The following GNL1 variants were observed in gnomAD, a reference collection of about 807,000 sequenced individuals.
The protein encoded by GNL1 is guanine nucleotide-binding protein-like 1.
GNL1 carries 21 observed loss-of-function variants against 75.2 expected under a neutral mutation model. The ratio of observed to expected loss-of-function variants is 0.28; its 90% CI spans 0.20 to 0.40. The LOEUF (loss-of-function observed/expected upper bound fraction) is 0.40, where lower values mean the gene tolerates loss of function less well. Ranked by LOEUF, GNL1 falls within the 10% of genes least tolerant of loss-of-function variation. The probability of loss-of-function intolerance (pLI) is 1.00; values close to 1 mark genes in which losing one functional copy is unlikely to be tolerated. For missense variants in GNL1, 579 were observed against 775.0 expected (o/e 0.75, Z 3.00); for synonymous variants, 287 against 303.4 (o/e 0.95, Z 0.56).
At chr6:30,549,783 C>T (rs1799658646) in intron 8 of GNL1, among the ~76,000 whole-genome samples, 1 of 151,584 alleles carries the variant, frequency 6.6e-6, no homozygotes, top group Non-Finnish European at 1.5e-5. Flanking sequence ...TCCTCTTCTC[C>T]AACTATTTCC....
In GNL1 at chr6:30,553,439, T is replaced by G. The variant is rs772999660; in HGVS notation, c.719A>C (p.His240Pro). Residue 240 changes from histidine (H) to proline (P), a missense_variant, in exon 6 of 12, where the codon CAT becomes CCT. Coordinates refer to ENST00000376621, the MANE Select transcript of GNL1 (RefSeq NM_005275.5). ...APPALVVAWKHYFHQHYPQLH... is the reference protein window; with the variant it reads ...APPALVVAWKPYFHQHYPQLH... ...CTGGGGATAGTGTTGATGGAAATAA[T>G]GCTTCCAGGCAACCACAAGAGCTGG... 6.2e-7 allele frequency: 1 copy of G among 1,613,024 alleles called. No individual in the cohort carries two copies. The highest frequency in any genetic ancestry group is 8.5e-7 in the Non-Finnish European group (1 of 1,180,012).
In GNL1 at chr6:30,548,267, A is replaced by G. The variant is rs145857359; in HGVS notation, c.1100-737T>C. ...GCCACTCTGCTCACTCACCACCACC[A>G]GTTTTTGTGTTTCTGGCTGACTTCA... On this transcript the variant is annotated intron_variant, in intron 8 of 11. Transcript: ENST00000376621. The surrounding 1 kb of genome is among the most constrained non-coding windows in gnomAD (Gnocchi z 4.2). Among the ~76,000 whole-genome samples the G allele has an allele frequency of 4.9e-4, 74 of 152,188 alleles. No individual in the cohort carries two copies. The highest frequency in any genetic ancestry group is 1.7e-3 in the African/African-American group (71 of 41,528).
In GNL1 at chr6:30,547,244, T is replaced by G. The variant is rs1273867571; in HGVS notation, c.1309A>C (p.Ile437Leu). ...VLAGIYPIAQIQEPYTAVGYL... is the reference protein window; with the variant it reads ...VLAGIYPIAQLQEPYTAVGYL... The stretch of plus-strand genomic sequence containing the variant: ...CCCACAGCAGTGTAGGGCTCCTGGA[T>G]CTGGGCGATAGGGTAGATCCCTGCC... The change falls in exon 10 of 12, where the codon ATC (isoleucine) becomes CTC (leucine). Residue 437 changes from isoleucine to leucine, a missense_variant. Ile to Leu is a conservative substitution (Grantham distance 5). Transcript: ENST00000376621. The surrounding 1 kb of genome is among the most constrained non-coding windows in gnomAD (Gnocchi z 5.5). The G allele has an allele frequency of 5.0e-6, 8 of 1,609,224 alleles. No individual in the cohort carries two copies. Among genetic ancestry groups the G allele is most frequent in the Non-Finnish European group, 6.8e-6 (8 of 1,177,738 alleles).
chr6:30,546,458 C>G lies in GNL1; in HGVS notation c.1583-145G>C. The G allele has an allele frequency of 1.4e-6, 1 of 691,738 alleles. No individual in the cohort carries two copies. Among genetic ancestry groups the G allele is most frequent in the Non-Finnish European group, 2.5e-6 (1 of 399,980 alleles). The allele number at this position is 691,738 out of a possible 1,614,324, so 42.9% of individuals were successfully genotyped here. A position where few individuals can be genotyped will look rare whatever the true frequency, so the allele number is the denominator to read the frequency against. Reference sequence around the variant, plus strand: ...ATTCATTCATCCATTCATTCAACTTCCTATGTGCAGATTGCTGAACAGAAC... The same window carrying G: ...ATTCATTCATCCATTCATTCAACTTGCTATGTGCAGATTGCTGAACAGAAC... On this transcript the variant is annotated intron_variant, in intron 11 of 11. Coordinates refer to ENST00000376621, the MANE Select transcript of GNL1 (RefSeq NM_005275.5). This position sits in a 1 kb window ranked among gnomAD's most constrained non-coding sequence, Gnocchi z 5.1.
rs1469332135 is a variant in GNL1 at position 30,543,746 on chromosome 6, A to T, written c.*2326T>A. The T allele has an allele frequency of 6.6e-6, 1 of 152,222 alleles. No individual in the cohort carries two copies. The highest frequency in any genetic ancestry group is 2.4e-5 in the African/African-American group (1 of 41,454). 9.4% of individuals were successfully genotyped at this position (152,222 alleles called of 1,614,324 possible). On this transcript the variant is annotated 3_prime_UTR_variant, in exon 12 of 12. Transcript: ENST00000376621. ...CTGTATCAATGATTGTAAGAAGTGA[A>T]CAAAGGGCCAGATAATTGAACTATC...
Position 30,556,413 on chromosome 6 carries a change from G to A in GNL1, c.-210C>T, listed in dbSNP as rs1800201207. ...ATAGTCACTTCCCTCCAGGAGCGAG[G>A]CGAGAGGATGATGCGGGGTGGGCTA... On this transcript the variant is annotated 5_prime_UTR_variant, in exon 1 of 12. Transcript: ENST00000376621. The surrounding 1 kb of genome is among the most constrained non-coding windows in gnomAD (Gnocchi z 5.7). 1.7e-6 allele frequency: 1 copy of A among 604,558 alleles called. No individual in the cohort carries two copies. The highest frequency in any genetic ancestry group is 2.9e-6 in the Non-Finnish European group (1 of 343,416). 37.4% of individuals were successfully genotyped at this position (604,558 alleles called of 1,614,324 possible).
At position 30,545,748 on chromosome 6, in the gene GNL1, C is replaced by T. The variant is rs1050916993; in HGVS notation, c.*324G>A. 1.2e-5 allele frequency: 4 copies of T among 342,534 alleles called. No homozygotes were observed. Among genetic ancestry groups the T allele is most frequent in the Non-Finnish European group, 2.1e-5 (4 of 188,868 alleles). The allele number at this position is 342,534 out of a possible 1,614,324, so 21.2% of individuals were successfully genotyped here. On this transcript the variant is annotated 3_prime_UTR_variant, in exon 12 of 12. Coordinates refer to ENST00000376621, the MANE Select transcript of GNL1 (RefSeq NM_005275.5). ...CTCCAAAAGGGAGCTGGATTTAGAC[C>T]TCCCCTCCCCATGTAGATAACGGGA...
chr6:30,546,257 C>A lies in GNL1; in HGVS notation c.1639G>T (p.Gly547Trp). ...TELVVLQGRV[G>W]PAGDEEEEEE... is the part of the protein sequence containing the mutation. ...TCCTCCTCCTCGTCACCTGCTGGCC[C>A]CACCCTGCCCTGCAAAACCACCAGC... Residue 547 changes from glycine (G) to tryptophan (W), a missense_variant, in exon 12 of 12, where the codon GGG becomes TGG. Coordinates refer to ENST00000376621, the MANE Select transcript of GNL1 (RefSeq NM_005275.5). The surrounding 1 kb of genome is among the most constrained non-coding windows in gnomAD (Gnocchi z 5.1). The A allele has an allele frequency of 6.3e-7, 1 of 1,590,850 alleles. No homozygotes were observed. The highest frequency in any genetic ancestry group is 2.3e-5 in the East Asian group (1 of 43,828).
Position 30,552,381 on chromosome 6 carries a change from G to A in GNL1, c.1099+86C>T, listed in dbSNP as rs2127376320. Reference sequence around the variant, plus strand: ...CCCCTCAGACACCCTGGGGCCTAATGAGACCTGATCGCCCTCTCTCTTCTC... The same window carrying A: ...CCCCTCAGACACCCTGGGGCCTAATAAGACCTGATCGCCCTCTCTCTTCTC... On this transcript the variant is annotated intron_variant, in intron 8 of 11. Transcript: ENST00000376621. This position sits in a 1 kb window ranked among gnomAD's most constrained non-coding sequence, Gnocchi z 4.5. The A allele has an allele frequency of 1.7e-6, 2 of 1,181,652 alleles. No individual in the cohort carries two copies. Among genetic ancestry groups the A allele is most frequent in the Non-Finnish European group, 1.2e-6 (1 of 812,212 alleles). The allele number at this position is 1,181,652 out of a possible 1,614,324, so 73.2% of individuals were successfully genotyped here.
At position 30,546,774 on chromosome 6, in the gene GNL1, C is replaced by T; in HGVS notation, c.1504G>A (p.Ala502Thr). Residue 502 changes from alanine (A) to threonine (T), a missense_variant, in exon 11 of 12, where the codon GCC becomes ACC. Transcript: ENST00000376621. The surrounding 1 kb of genome is among the most constrained non-coding windows in gnomAD (Gnocchi z 5.1). ...ACTGCCAGCCGCAAGAGACTGTTGG[C>T]TGCTCTGTACACATCATTCCGAGCC... ...KAARNDVYRAANSLLRLAVDG... is the reference protein window; with the variant it reads ...KAARNDVYRATNSLLRLAVDG... The T allele has an allele frequency of 6.2e-7, 1 of 1,604,908 alleles. No individual in the cohort carries two copies. Among genetic ancestry groups the T allele is most frequent in the Non-Finnish European group, 8.5e-7 (1 of 1,173,160 alleles).
chr6:30,544,131 C>T lies in GNL1; in HGVS notation c.*1941G>A, dbSNP rs1799321555. 1 of 152,140 alleles carries T rather than the reference C, an allele frequency of 6.6e-6. No homozygotes were observed. Among genetic ancestry groups the T allele is most frequent in the Admixed American group, 6.6e-5 (1 of 15,266 alleles). The allele number at this position is 152,140 out of a possible 1,614,324, so 9.4% of individuals were successfully genotyped here. On this transcript the variant is annotated 3_prime_UTR_variant, in exon 12 of 12. Coordinates refer to ENST00000376621, the MANE Select transcript of GNL1 (RefSeq NM_005275.5). ...TCAGTTCTTTTCCTGTTGCTATTAT[C>T]CTATAGAGTCAGCAAGTCATGGAAG...
rs2127367002 is a variant in GNL1, at chr6:30,546,919, A to G, written c.1442-83T>C. 7.7e-7 allele frequency: 1 copy of G among 1,294,678 alleles called. No individual in the cohort carries two copies. Among genetic ancestry groups the G allele is most frequent in the Non-Finnish European group, 1.1e-6 (1 of 918,294 alleles). 80.2% of individuals were successfully genotyped at this position (1,294,678 alleles called of 1,614,324 possible). On this transcript the variant is annotated intron_variant, in intron 10 of 11. Transcript: ENST00000376621. The surrounding 1 kb of genome is among the most constrained non-coding windows in gnomAD (Gnocchi z 5.1). ...CCCACTCCCATAACACAGTCCTTCC[A>G]GTTTTCCCCAAAACATTCCAGGCCA...
In GNL1 at chr6:30,547,205, G is replaced by C; in HGVS notation, c.1348C>G (p.Arg450Gly). Residue 450 changes from arginine to glycine, a missense_variant, in exon 10 of 12, where the codon CGA becomes GGA. Physicochemically the swap from Arg to Gly is moderately radical, Grantham distance 125. Transcript: ENST00000376621. The surrounding 1 kb of genome is among the most constrained non-coding windows in gnomAD (Gnocchi z 5.5). ...PYTAVGYLAS[R>G]IPVQALLHLR... ...TGGAGCAGGGCCTGCACGGGAATTC[G>C]GGAGGCCAGGTAGCCCACAGCAGTG... The C allele has an allele frequency of 6.2e-7, 1 of 1,613,202 alleles. No homozygotes were observed. The highest frequency in any genetic ancestry group is 8.5e-7 in the Non-Finnish European group (1 of 1,179,512).
chr6:30,555,454 C>G lies in GNL1; in HGVS notation c.239+101G>C. The G allele has an allele frequency of 8.1e-7, 1 of 1,227,760 alleles. No homozygotes were observed. Among genetic ancestry groups the G allele is most frequent in the Non-Finnish European group, 1.2e-6 (1 of 867,310 alleles). 76.1% of individuals were successfully genotyped at this position (1,227,760 alleles called of 1,614,324 possible). A position where few individuals can be genotyped will look rare whatever the true frequency, so the allele number is the denominator to read the frequency against. On this transcript the variant is annotated intron_variant, in intron 2 of 11. Coordinates refer to ENST00000376621, the MANE Select transcript of GNL1 (RefSeq NM_005275.5). This position sits in a 1 kb window ranked among gnomAD's most constrained non-coding sequence, Gnocchi z 4.3. ...AGTGGCTAGCGGAGAACTGTGGCAT[C>G]CCAGGCCCACCGTCTTCACCAGTAG...
chr6:30,553,448 G>A lies in GNL1; in HGVS notation c.710C>T (p.Ala237Val), dbSNP rs1799925359. 6.2e-7 allele frequency: 1 copy of A among 1,612,944 alleles called. No homozygotes were observed. Residue 237 changes from alanine (A) to valine (V), a missense_variant, in exon 6 of 12, where the codon GCC becomes GTC. Transcript: ENST00000376621. ...VDLAPPALVV[A>V]WKHYFHQHYP... is the part of the protein sequence containing the mutation. ...GTGTTGATGGAAATAATGCTTCCAG[G>A]CAACCACAAGAGCTGGCGGGGCCAG...
At chr6:30,553,208 C>T in intron 6 of GNL1, 29 bp from the exon 7 acceptor site, 1 of 1,551,724 alleles carries the variant, frequency 6.4e-7, no homozygotes, top group Non-Finnish European at 8.9e-7. Flanking sequence ...AAAGGATGGG[C>T]ACACGGGCTT....
rs1036349028 is a variant in GNL1 at position 30,547,584 on chromosome 6, C to T, written c.1100-54G>A. On this transcript the variant is annotated intron_variant, in intron 8 of 11. Coordinates refer to ENST00000376621, the MANE Select transcript of GNL1 (RefSeq NM_005275.5). This position sits in a 1 kb window ranked among gnomAD's most constrained non-coding sequence, Gnocchi z 5.5. ...AACAGGTTTCTACTCTGTGATGGGA[C>T]TTGGTGCTATACCTATAGGTAAAAG... is the stretch of plus-strand genomic sequence containing the variant. The T allele has an allele frequency of 1.3e-5, 19 of 1,464,132 alleles. No individual in the cohort carries two copies. In the African/African-American group the frequency reaches 2.6e-4, roughly 20 times the overall value. The allele number at this position is 1,464,132 out of a possible 1,614,324, so 90.7% of individuals were successfully genotyped here.
chr6:30,554,994 A>T, intron 3 of GNL1, 61 bp downstream of exon 3: 1 of 1,610,448 alleles, frequency 6.2e-7, no homozygotes, highest in Admixed American at 1.7e-5. Flanking sequence ...CCTTCCTCAC[A>T]GTCGGCTTTT....
In GNL1 at chr6:30,555,855, G is replaced by A; in HGVS notation, c.74-135C>T. ...CAGTCCTCCCAGACACCCTATTTGG[G>A]ACCCTCCCGGATGTGCGTGGGGGGA... is the stretch of plus-strand genomic sequence containing the variant. On this transcript the variant is annotated intron_variant, in intron 1 of 11. Transcript: ENST00000376621. The surrounding 1 kb of genome is among the most constrained non-coding windows in gnomAD (Gnocchi z 4.3). The A allele has an allele frequency of 1.0e-6, 1 of 1,001,538 alleles. No homozygotes were observed. Among genetic ancestry groups the A allele is most frequent in the South Asian group, 1.6e-5 (1 of 64,282 alleles). 62.0% of individuals were successfully genotyped at this position (1,001,538 alleles called of 1,614,324 possible). A position where few individuals can be genotyped will look rare whatever the true frequency, so the allele number is the denominator to read the frequency against.
Sources: allele counts gnomAD v4.1 joint callset (sites outside exome capture counted in the v4.1 genomes callset), GRCh38; gene constraint gnomAD v4.1.1; non-coding constraint Gnocchi (gnomAD v3.1); transcripts MANE v1.5; gene names NCBI Gene and HGNC (gene_info 2026-07-23, HGNC 2026-07-21).